The following PCDHGA5 variants were observed in gnomAD, a reference collection of about 807,000 sequenced individuals.
PCDHGA5 encodes protocadherin gamma subfamily A, 5.
In PCDHGA5, 36 loss-of-function variants were observed where a neutral mutation model predicts 56.7. That is an observed-to-expected ratio of 0.64 (90% confidence interval 0.49 to 0.84). PCDHGA5 has a LOEUF of 0.84. Ranked by LOEUF, PCDHGA5 falls within the 40% of genes least tolerant of loss-of-function variation. The probability of loss-of-function intolerance (pLI) is 0.00; values close to 1 mark genes in which losing one functional copy is unlikely to be tolerated. For synonymous variants in PCDHGA5, 563 were observed against 520.2 expected (o/e 1.08, Z -1.12); for missense variants, 1,305 against 1,201.5 (o/e 1.09, Z -1.27).
At position 141,366,686 on chromosome 5, in the gene PCDHGA5, G is replaced by A. The variant is rs200958152; in HGVS notation, c.2356G>A (p.Glu786Lys). ...ADTLLSEESC[E>K]KSEPLLMSDK... ...CACGCTCCTTAGTGAAGAGAGCTGT[G>A]AGAAAAGCGAGCCTCTTCTGATGTC... The change falls in exon 1 of 4, where the codon GAG (glutamate) becomes AAG (lysine). Residue 786 changes from glutamate to lysine, a missense_variant. Physicochemically the swap from Glu to Lys is moderately conservative, Grantham distance 56. Transcript: ENST00000518069. The A allele has an allele frequency of 5.3e-5, 86 of 1,614,138 alleles. No individual in the cohort carries two copies. Among genetic ancestry groups the A allele is most frequent in the Non-Finnish European group, 6.8e-6 (8 of 1,180,048 alleles).
At chr5:141,412,060 C>G (rs1191231135) in intron 1 of PCDHGA5, 2 of 152,154 alleles carry the variant, frequency 1.3e-5, no homozygotes, top group African/African-American at 2.4e-5. Context: ...ATACCCTTTG[C>G]ATTTGAGGGA....
chr5:141,405,587 G>T, intron 1 of PCDHGA5: 1 of 585,648 alleles, frequency 1.7e-6, no homozygotes, highest in Non-Finnish European at 3.0e-6. Flanking sequence ...TGGGACTACA[G>T]GCCTCCCAAG....
chr5:141,427,899 G>A, intron 1 of PCDHGA5: 1 of 1,571,372 alleles, frequency 6.4e-7, no homozygotes, highest in Non-Finnish European at 8.7e-7. Flanking sequence ...GGGCTCGCCC[G>A]CGCTCAGCGC....
In PCDHGA5 at chr5:141,431,739, A is replaced by G; in HGVS notation, c.2422-63068A>G. 3.1e-6 allele frequency: 5 copies of G among 1,614,240 alleles called. No homozygotes were observed. Among genetic ancestry groups the G allele is most frequent in the Non-Finnish European group, 3.4e-6 (4 of 1,180,048 alleles). Reference sequence around the variant, plus strand: ...GTGCAAGCAATGGATAATGCAGGATATTCTGCGCGAGCCAAAGTCCTGATC... The same window carrying G: ...GTGCAAGCAATGGATAATGCAGGATGTTCTGCGCGAGCCAAAGTCCTGATC... On this transcript the variant is annotated intron_variant, in intron 1 of 3. Transcript: ENST00000518069. The surrounding 1 kb of genome is among the most constrained non-coding windows in gnomAD (Gnocchi z 4.8).
At chr5:141,393,051 C>T in intron 1 of PCDHGA5, 1 of 1,613,622 alleles carries the variant, frequency 6.2e-7, no homozygotes, top group Non-Finnish European at 8.5e-7. Context: ...TCTGAACCCG[C>T]GCAGCGGCAG....
intron 1 of PCDHGA5, chr5:141,404,701 G>C (rs563319884): frequency 1.2e-6 from 2 of 1,613,956 alleles, no homozygotes; most frequent in Non-Finnish European, 1.7e-6. Context: ...GCTCTGCAGA[G>C]CCTGGCTACC....
chr5:141,441,656 C>A, intron 1 of PCDHGA5: 1 of 247,684 alleles, frequency 4.0e-6, no homozygotes, highest in Non-Finnish European at 8.1e-6. Flanking sequence ...TCTAGGTGTC[C>A]TTGAGCGCAC....
intron 1 of PCDHGA5, chr5:141,396,749 A>G (rs944470602): frequency 1.3e-5 from 2 of 152,368 alleles, no homozygotes; most frequent in African/African-American, 4.8e-5. Flanking sequence ...GTAGAAGTAG[A>G]TGACCCAATA....
intron 1 of PCDHGA5, chr5:141,478,743 A>G: frequency 6.5e-7 from 1 of 1,528,732 alleles, no homozygotes; most frequent in Non-Finnish European, 8.8e-7. Context: ...TTGTGGTCCC[A>G]TTTCAGGGGG....
chr5:141,462,774 A>G (rs890366708), intron 1 of PCDHGA5, among the ~76,000 whole-genome samples: 1 of 152,126 alleles, frequency 6.6e-6, no homozygotes, highest in Admixed American at 6.6e-5. Context: ...GCTTGGGGTC[A>G]TAATTTGTTG....
chr5:141,474,210 A>G (rs1054533367), intron 1 of PCDHGA5, among the ~76,000 whole-genome samples: 3 of 152,230 alleles, frequency 2.0e-5, no homozygotes, highest in Non-Finnish European at 4.4e-5. Context: ...ATTTTCAAAA[A>G]CCAGATTGTG....
At chr5:141,371,690 C>G (rs778571401) in intron 1 of PCDHGA5, 1 of 1,614,078 alleles carries the variant, frequency 6.2e-7, no homozygotes, top group South Asian at 1.1e-5. Flanking sequence ...ATCCACCGCT[C>G]TCCTCCAGCA....
rs781015607 is a variant in PCDHGA5 at position 141,366,039 on chromosome 5, A to G, written c.1709A>G (p.Asp570Gly). The G allele has an allele frequency of 9.3e-6, 15 of 1,614,136 alleles. No individual in the cohort carries two copies. The highest frequency in any genetic ancestry group is 1.2e-5 in the Non-Finnish European group (14 of 1,180,056). The change falls in exon 1 of 4, where the codon GAC becomes GGC. Residue 570 changes from aspartate to glycine, a missense_variant. By Grantham distance (94) the Asp-to-Gly change is moderately conservative. Transcript: ENST00000518069. ...ATCCTGTACCCCGCCCTCCCCACAG[A>G]CGGTTCCACGGGCGTGGAGCTGGCG... is the stretch of plus-strand genomic sequence containing the variant. ...PEILYPALPTDGSTGVELAPR... is the reference protein window; with the variant it reads ...PEILYPALPTGGSTGVELAPR...
chr5:141,414,067 C>G (rs998058224), intron 1 of PCDHGA5: 1 of 1,607,570 alleles, frequency 6.2e-7, no homozygotes, highest in Non-Finnish European at 8.5e-7. Flanking sequence ...GAAGTTCCAA[C>G]TAAACAAATA....
At chr5:141,433,377 A>ATCTG (rs1300427377) in intron 1 of PCDHGA5, among the ~76,000 whole-genome samples, 1 of 150,958 alleles carries the variant, frequency 6.6e-6, no homozygotes, top group Non-Finnish European at 1.5e-5. Context: ...CTATCTATCT[A>ATCTG]TCTATCTATC....
At chr5:141,399,722 A>G in intron 1 of PCDHGA5, 4 of 1,613,264 alleles carry the variant, frequency 2.5e-6, no homozygotes, top group Non-Finnish European at 3.4e-6. Context: ...CAGGCCCGCG[A>G]CCAGGGCTCG....
intron 2 of PCDHGA5, among the ~76,000 whole-genome samples, chr5:141,496,903 A>G (rs990378360): frequency 1.1e-4 from 16 of 150,744 alleles, no homozygotes; most frequent in Non-Finnish European, 2.4e-4. Flanking sequence ...AAAAAAAAAA[A>G]GGCTGGGCAC....
chr5:141,390,542 G>A, intron 1 of PCDHGA5: 1 of 511,902 alleles, frequency 2.0e-6, no homozygotes, highest in South Asian at 2.4e-5. Context: ...TAACCACAAA[G>A]TGAAAGTGTT....
At chr5:141,374,428 T>A in intron 1 of PCDHGA5, 16 of 1,613,952 alleles carry the variant, frequency 9.9e-6, no homozygotes, top group Non-Finnish European at 1.4e-5. Context: ...ATAAACTGAA[T>A]CTTTATCCCG....
Sources: gnomAD v4.1 joint callset for allele counts (sites outside exome capture counted in the v4.1 genomes callset) on GRCh38, gnomAD v4.1.1 for gene constraint, Gnocchi (gnomAD v3.1) non-coding constraint, MANE v1.5 for transcripts, NCBI Gene and HGNC (gene_info 2026-07-23, HGNC 2026-07-21) for gene names.